The following GPC6 variants were observed in gnomAD, a reference collection of about 807,000 sequenced individuals.
GPC6 encodes the protein glypican 6, also known as glypican-6.
A neutral mutation model predicts 55.2 loss-of-function variants in GPC6; 14 were observed. The observed-to-expected ratio is 0.25, with a 90% CI of 0.17 to 0.40. The LOEUF is 0.40. GPC6 is among the 10% of genes least tolerant of loss of function. GPC6 has a pLI of 1.00. For synonymous variants in GPC6, 278 were observed against 259.6 expected (o/e 1.07, Z -0.68); for missense variants, 641 against 708.5 (o/e 0.90, Z 1.08).
At chr13:94,166,429 T>C (rs1242903436) in intron 4 of GPC6, among the ~76,000 whole-genome samples, 1 of 152,214 alleles carries the variant, frequency 6.6e-6, no homozygotes, top group African/African-American at 2.4e-5. Context: ...AACCCATTCA[T>C]GTTGCAACCT....
chr13:93,525,245 T>G (rs1881602257), intron 1 of GPC6, among the ~76,000 whole-genome samples: 1 of 152,062 alleles, frequency 6.6e-6, no homozygotes, highest in African/African-American at 2.4e-5. Context: ...TTACAGCCAT[T>G]TGCACAGCAA....
chr13:94,213,849 A>G (rs1890156166), intron 4 of GPC6, among the ~76,000 whole-genome samples: 1 of 152,210 alleles, frequency 6.6e-6, no homozygotes. Flanking sequence ...GCTGCAAATT[A>G]CATTGTAAGG....
At chr13:94,394,560 T>C (rs914773340) in intron 7 of GPC6, among the ~76,000 whole-genome samples, 3 of 151,956 alleles carry the variant, frequency 2.0e-5, no homozygotes, top group Non-Finnish European at 4.4e-5. Flanking sequence ...AGAAACCAAA[T>C]GTGAGAGGGA....
At chr13:94,183,708 A>G (rs2138950505) in intron 4 of GPC6, among the ~76,000 whole-genome samples, 1 of 152,282 alleles carries the variant, frequency 6.6e-6, no homozygotes, top group Non-Finnish European at 1.5e-5. Flanking sequence ...CAATTTCTCC[A>G]CACCCTTGCC....
chr13:93,922,912 C>T (rs754660415), intron 3 of GPC6, among the ~76,000 whole-genome samples: 9 of 152,144 alleles, frequency 5.9e-5, no homozygotes, highest in Admixed American at 1.3e-4. Context: ...AGACACCATT[C>T]AATACCACCT....
intron 1 of GPC6, among the ~76,000 whole-genome samples, chr13:93,518,366 C>A (rs563862151): frequency 1.3e-5 from 2 of 151,522 alleles, no homozygotes; most frequent in African/African-American, 4.8e-5. Context: ...AATCTAGTTC[C>A]GTCAACTCTT....
At chr13:93,305,754 A>C (rs1453287170) in intron 1 of GPC6, among the ~76,000 whole-genome samples, 1 of 152,108 alleles carries the variant, frequency 6.6e-6, no homozygotes, top group Non-Finnish European at 1.5e-5. Context: ...TTCAGATTGC[A>C]TTTTGTACAG....
intron 4 of GPC6, among the ~76,000 whole-genome samples, chr13:94,280,546 C>G (rs9589944): frequency 0.029 from 4,453 of 152,280 alleles, 220 homozygotes; most frequent in African/African-American, 0.099. Flanking sequence ...CAGCAGTGCC[C>G]CTAGTTACAT....
intron 1 of GPC6, among the ~76,000 whole-genome samples, chr13:93,281,140 A>G (rs2139067371): frequency 6.6e-6 from 1 of 152,362 alleles, no homozygotes; most frequent in African/African-American, 2.4e-5. Flanking sequence ...TTTGGCCTCC[A>G]GATTCTACTA....
At chr13:93,425,545 G>A (rs1203313248) in intron 1 of GPC6, among the ~76,000 whole-genome samples, 7 of 152,182 alleles carry the variant, frequency 4.6e-5, no homozygotes, top group African/African-American at 1.7e-4. Context: ...ACAGCCAGCG[G>A]TCAAATCCCA....
At chr13:94,319,328 A>G (rs1305114155) in intron 6 of GPC6, among the ~76,000 whole-genome samples, 1 of 152,172 alleles carries the variant, frequency 6.6e-6, no homozygotes, top group Admixed American at 6.5e-5. Flanking sequence ...CCTCTTTTGT[A>G]ACAATACAAG....
At chr13:93,635,556 T>C (rs1244272733) in intron 2 of GPC6, among the ~76,000 whole-genome samples, 3 of 152,068 alleles carry the variant, frequency 2.0e-5, no homozygotes, top group Non-Finnish European at 4.4e-5. Context: ...ACCTGAGTGG[T>C]TTTGGTTCTG....
intron 6 of GPC6, among the ~76,000 whole-genome samples, chr13:94,373,822 G>A (rs1480783190): frequency 2.6e-5 from 4 of 152,008 alleles, no homozygotes; most frequent in Non-Finnish European, 4.4e-5. Context: ...GAGAAAGGTC[G>A]GGTTACCCTC....
chr13:93,547,702 T>A (rs141366169), intron 2 of GPC6, among the ~76,000 whole-genome samples: 1 of 152,196 alleles, frequency 6.6e-6, no homozygotes, highest in African/African-American at 2.4e-5. Flanking sequence ...TTGTTTTTTT[T>A]GGAGGCTTTC....
At chr13:93,392,920 A>G (rs1278283427) in intron 1 of GPC6, among the ~76,000 whole-genome samples, 1 of 152,116 alleles carries the variant, frequency 6.6e-6, no homozygotes, top group Non-Finnish European at 1.5e-5. Context: ...CGTGTATTTT[A>G]AGCAAATATT....
rs192070697 is a variant in GPC6, at chr13:93,354,414, G to A, written c.160+126798G>A. On this transcript the variant is annotated intron_variant, in intron 1 of 8. Transcript: ENST00000377047. ...TGCCCAGGTTGGAGTGCAGTGGCGC[G>A]ATCTCAGCTCACTGCAAGCTCTGCC... is the stretch of plus-strand genomic sequence containing the variant. Among the ~76,000 whole-genome samples the A allele has an allele frequency of 5.0e-3, 718 of 144,418 alleles. 9 individuals are homozygous for A. The highest frequency in any genetic ancestry group is 0.018 in the African/African-American group (678 of 37,974). The allele number at this position is 144,418 out of a possible 152,430, so 94.7% of individuals were successfully genotyped here.
chr13:93,314,746 T>TGC (rs1280164124), intron 1 of GPC6, among the ~76,000 whole-genome samples: 4 of 119,396 alleles, frequency 3.4e-5, no homozygotes, highest in African/African-American at 1.2e-4. Context: ...TGTGTGTGTG[T>TGC]GTGTGTGTGT....
At chr13:93,846,283 C>T (rs1195604950) in intron 3 of GPC6, among the ~76,000 whole-genome samples, 1 of 152,110 alleles carries the variant, frequency 6.6e-6, no homozygotes, top group Non-Finnish European at 1.5e-5. Flanking sequence ...ATGCTAAGTA[C>T]TTTTTACACC....
chr13:93,466,824 A>G (rs932635709), intron 1 of GPC6, among the ~76,000 whole-genome samples: 2 of 152,224 alleles, frequency 1.3e-5, no homozygotes, highest in Admixed American at 6.5e-5. Flanking sequence ...ATCTGATAAC[A>G]GTAAATTTGC....
Sources: gnomAD v4.1 joint callset for allele counts (sites outside exome capture counted in the v4.1 genomes callset) on GRCh38, gnomAD v4.1.1 for gene constraint, MANE v1.5 for transcripts, NCBI Gene and HGNC (gene_info 2026-07-23, HGNC 2026-07-21) for gene names.